Variants in SUSD1 observed in about 807,000 individuals in gnomAD.
SUSD1 encodes the protein sushi domain containing 1, also known as sushi domain-containing protein 1.
SUSD1 carries 65 observed loss-of-function variants against 86.9 expected under a neutral mutation model. The observed-to-expected ratio is 0.75, with a 90% CI of 0.61 to 0.92. The LOEUF (loss-of-function observed/expected upper bound fraction) is 0.92. SUSD1 is among the 40% of genes least tolerant of loss of function. The pLI is 0.00. For synonymous variants in SUSD1, 346 were observed against 350.0 expected, an observed-to-expected ratio of 0.99 and a Z score of 0.13; for missense variants, 850 against 929.7, an observed-to-expected ratio of 0.91 and a Z score of 1.11.
At chr9:112,077,108 T>C (rs1461483397) in intron 12 of SUSD1, among the ~76,000 whole-genome samples, 3 of 152,152 alleles carry the variant, frequency 2.0e-5, no homozygotes, top group Non-Finnish European at 2.9e-5. Context: ...TCATTTTTTC[T>C]TTCTTTTCGT....
chr9:112,097,158 T>C (rs147078671), intron 10 of SUSD1, among the ~76,000 whole-genome samples: 2,928 of 151,858 alleles, frequency 0.019, 84 homozygotes, highest in African/African-American at 0.067. Flanking sequence ...AAACCCTGTA[T>C]CTACTAAAAA....
chr9:112,152,981 A>C (rs930700708), intron 2 of SUSD1, among the ~76,000 whole-genome samples: 22 of 152,138 alleles, frequency 1.4e-4, no homozygotes, highest in African/African-American at 5.1e-4. Flanking sequence ...AAACTCAGAC[A>C]CAGGCCAGGC....
chr9:112,127,173 A>T (rs1831810152), intron 5 of SUSD1, among the ~76,000 whole-genome samples: 1 of 152,134 alleles, frequency 6.6e-6, no homozygotes, highest in South Asian at 2.1e-4. Flanking sequence ...GGAGTTTGAG[A>T]CCAGCCTGGC....
intron 12 of SUSD1, among the ~76,000 whole-genome samples, chr9:112,069,526 G>A (rs375264646): frequency 1.2e-4 from 19 of 152,220 alleles, no homozygotes; most frequent in East Asian, 7.7e-4. Context: ...CTTTGAGATC[G>A]AACTGCCCTC....
At chr9:112,154,494 C>G (rs1030819197) in intron 2 of SUSD1, among the ~76,000 whole-genome samples, 1 of 152,102 alleles carries the variant, frequency 6.6e-6, no homozygotes, top group African/African-American at 2.4e-5. Context: ...GCCTGGACAA[C>G]AGAGTGAGAC....
chr9:112,070,004 G>GA (rs2131527687), intron 12 of SUSD1, among the ~76,000 whole-genome samples: 1 of 152,068 alleles, frequency 6.6e-6, no homozygotes, highest in African/African-American at 2.4e-5. Flanking sequence ...TTTTGTTTTT[G>GA]TTTTTGCTTT....
At chr9:112,131,761 G>A (rs373413538) in intron 5 of SUSD1, among the ~76,000 whole-genome samples, 2 of 152,138 alleles carry the variant, frequency 1.3e-5, no homozygotes, top group Admixed American at 6.5e-5. Flanking sequence ...ATGCATAGGG[G>A]CATTCATTAA....
chr9:112,060,921 C>T (rs889347182), intron 13 of SUSD1, among the ~76,000 whole-genome samples: 2 of 152,190 alleles, frequency 1.3e-5, no homozygotes, highest in Non-Finnish European at 2.9e-5. Flanking sequence ...TGGTTCCGTA[C>T]ATTGCTCACT....
chr9:112,161,729 G>A (rs1833578460), intron 1 of SUSD1, among the ~76,000 whole-genome samples: 1 of 151,226 alleles, frequency 6.6e-6, no homozygotes, highest in Admixed American at 6.6e-5. Flanking sequence ...GGCTGAAGCA[G>A]GAGAATCGCT....
intron 12 of SUSD1, among the ~76,000 whole-genome samples, chr9:112,068,462 C>T (rs2131520900): frequency 6.6e-6 from 1 of 152,268 alleles, no homozygotes; most frequent in South Asian, 2.1e-4. Flanking sequence ...GTAATCCCAG[C>T]ACTTGAGGCA....
chr9:112,136,817 T>C (rs1485508732), intron 5 of SUSD1, among the ~76,000 whole-genome samples: 1 of 152,232 alleles, frequency 6.6e-6, no homozygotes, highest in East Asian at 1.9e-4. Flanking sequence ...CTTTCCACTT[T>C]TGTAGAGATA....
In SUSD1 at chr9:112,154,543, CTT is replaced by C. The variant is rs1175963622; in HGVS notation, c.217+2955_217+2956del. 3.3e-5 allele frequency among the ~76,000 whole-genome samples: 5 copies of C among 151,922 alleles called. No homozygotes were observed. In the East Asian group the frequency reaches 9.6e-4, roughly 29 times the overall value. On this transcript the variant is annotated intron_variant, in intron 2 of 16. Transcript: ENST00000374270. ...AAATCAAACAAACAAAAAAAACTAT[CTT>C]TGGGGAGATCTGCATAAGAGCTTAG... is the stretch of plus-strand genomic sequence containing the variant.
intron 12 of SUSD1, among the ~76,000 whole-genome samples, chr9:112,076,842 G>C (rs1829536595): frequency 6.6e-6 from 1 of 152,186 alleles, no homozygotes; most frequent in Admixed American, 6.5e-5. Flanking sequence ...TCAAGAGGGA[G>C]GGAGTGTCAA....
chr9:112,058,710 C>A, intron 13 of SUSD1, 24 bp from the exon 14 acceptor site: 2 of 1,611,054 alleles, frequency 1.2e-6, no homozygotes, highest in South Asian at 2.2e-5. Flanking sequence ...GGAGAAGTGT[C>A]CATCAGACCC....
At chr9:112,111,965 G>A (rs1469807142) in intron 7 of SUSD1, 125 bp from the exon 8 acceptor site, 2 of 972,586 alleles carry the variant, frequency 2.1e-6, no homozygotes, top group Admixed American at 2.7e-5. Flanking sequence ...GGGAGCATTC[G>A]TAAGGTAAAC....
At chr9:112,056,039 T>C (rs1431758767) in intron 14 of SUSD1, among the ~76,000 whole-genome samples, 13 of 152,074 alleles carry the variant, frequency 8.5e-5, no homozygotes, top group Non-Finnish European at 1.9e-4. Context: ...GGTGGGAGGA[T>C]CACTTGAGCC....
intron 6 of SUSD1, among the ~76,000 whole-genome samples, chr9:112,121,359 C>T (rs1003662863): frequency 6.6e-6 from 1 of 152,156 alleles, no homozygotes; most frequent in Non-Finnish European, 1.5e-5. Flanking sequence ...CCCAAGAATG[C>T]TTTACTCAAG....
intron 9 of SUSD1, among the ~76,000 whole-genome samples, chr9:112,100,595 G>A (rs1830592986): frequency 6.6e-6 from 1 of 152,140 alleles, no homozygotes; most frequent in South Asian, 2.1e-4. Context: ...ACTTTGGGAA[G>A]CCAAGGCAGC....
intron 2 of SUSD1, among the ~76,000 whole-genome samples, chr9:112,152,094 T>A (rs1268172477): frequency 6.6e-6 from 1 of 151,324 alleles, no homozygotes; most frequent in South Asian, 2.1e-4. Flanking sequence ...TCCCAGCTAC[T>A]TGGGAGGCTG....
Sources: allele counts gnomAD v4.1 joint callset (sites outside exome capture counted in the v4.1 genomes callset), GRCh38; gene constraint gnomAD v4.1.1; transcripts MANE v1.5; gene names NCBI Gene and HGNC (gene_info 2026-07-23, HGNC 2026-07-21).